The following ANKS1B variants were observed in gnomAD, a reference collection of about 807,000 sequenced individuals.
ANKS1B encodes ankyrin repeat and sterile alpha motif domain containing 1B, also known as ankyrin repeat and sterile alpha motif domain-containing protein 1B.
ANKS1B carries 36 observed loss-of-function variants against 148.3 expected under a neutral mutation model. That is an observed-to-expected ratio of 0.24 (90% CI 0.19 to 0.32). ANKS1B has a LOEUF of 0.32. Ranked by LOEUF, ANKS1B falls within the 10% of genes least tolerant of loss-of-function variation. The pLI is 1.00. For synonymous variants in ANKS1B, 542 were observed against 560.8 expected, an observed-to-expected ratio of 0.97 and a Z score of 0.47; for missense variants, 1,157 against 1,542.6, an observed-to-expected ratio of 0.75 and a Z score of 4.19.
intron 17 of ANKS1B, among the ~76,000 whole-genome samples, chr12:98,920,888 C>T (rs2099800503): frequency 6.6e-6 from 1 of 151,994 alleles, no homozygotes; most frequent in South Asian, 2.1e-4. Flanking sequence ...AATTAAATTC[C>T]ACAAGAGTTA....
chr12:98,806,680 C>T, intron 20 of ANKS1B, among the ~76,000 whole-genome samples: 1 of 152,138 alleles, frequency 6.6e-6, no homozygotes, highest in East Asian at 1.9e-4. Flanking sequence ...TAAACATTCA[C>T]ACATAATGAA....
chr12:98,786,214 G>T (rs1193442383), intron 22 of ANKS1B, among the ~76,000 whole-genome samples: 1 of 152,150 alleles, frequency 6.6e-6, no homozygotes, highest in Non-Finnish European at 1.5e-5. Flanking sequence ...TTTTCCAAGA[G>T]AAATGATATT....
intron 12 of ANKS1B, among the ~76,000 whole-genome samples, chr12:99,253,718 C>G (rs753223024): frequency 8.5e-5 from 13 of 152,132 alleles, no homozygotes; most frequent in Non-Finnish European, 1.8e-4. Context: ...ATTGCCTCCC[C>G]ACAAAATACT....
intron 10 of ANKS1B, among the ~76,000 whole-genome samples, chr12:99,488,061 T>C (rs1358965619): frequency 6.6e-6 from 1 of 152,186 alleles, no homozygotes; most frequent in Non-Finnish European, 1.5e-5. Flanking sequence ...CTTTCTGTGG[T>C]TTGATTCTTT....
At chr12:99,167,356 A>G (rs1469217727) in intron 14 of ANKS1B, among the ~76,000 whole-genome samples, 1 of 152,168 alleles carries the variant, frequency 6.6e-6, no homozygotes, top group Non-Finnish European at 1.5e-5. Context: ...ATGTATATCC[A>G]GAATATATAA....
chr12:98,836,073 G>A (rs1423406888), intron 17 of ANKS1B, among the ~76,000 whole-genome samples: 2 of 152,106 alleles, frequency 1.3e-5, no homozygotes, highest in Non-Finnish European at 2.9e-5. Context: ...GAGGTACATG[G>A]CTAGGATGTG....
At chr12:99,048,137 G>A (rs1482573676) in intron 17 of ANKS1B, among the ~76,000 whole-genome samples, 2 of 152,172 alleles carry the variant, frequency 1.3e-5, no homozygotes, top group Non-Finnish European at 2.9e-5. Flanking sequence ...CATATGTTCA[G>A]GCATGGAATA....
chr12:98,800,911 G>A (rs1420004240), intron 21 of ANKS1B, 86 bp downstream of exon 21: 1 of 1,436,500 alleles, frequency 7.0e-7, no homozygotes, highest in Non-Finnish European at 9.4e-7. Flanking sequence ...GGATATTTTG[G>A]TATATTTTCA....
intron 8 of ANKS1B, among the ~76,000 whole-genome samples, chr12:99,760,510 A>T (rs968202083): frequency 4.6e-5 from 7 of 151,890 alleles, no homozygotes; most frequent in Admixed American, 3.9e-4. Context: ...AAACTAAAAC[A>T]GACGTAACAT....
Position 98,750,579 on chromosome 12 carries a change from G to A in ANKS1B, c.3747+776C>T, listed in dbSNP as rs139545567. Among the ~76,000 whole-genome samples, 1,235 of 152,334 alleles carry A rather than the reference G, an allele frequency of 8.1e-3. 15 individuals are homozygous for A. Among genetic ancestry groups the A allele is most frequent in the Non-Finnish European group, 0.012 (792 of 68,038 alleles). ...CAGATGGAAGGATTCGGGGGCGTGA[G>A]AGCAATGCATTCTGGGGGAGTCCCA... is the stretch of plus-strand genomic sequence containing the variant. On this transcript the variant is annotated intron_variant, in intron 26 of 26. Coordinates refer to ENST00000683438, the MANE Select transcript of ANKS1B (RefSeq NM_001352186.2).
intron 9 of ANKS1B, among the ~76,000 whole-genome samples, chr12:99,616,274 G>A (rs1014796209): frequency 5.3e-5 from 8 of 152,130 alleles, no homozygotes; most frequent in Non-Finnish European, 8.8e-5. Flanking sequence ...TTTCTTCACA[G>A]AATTAGAAAA....
At chr12:99,466,708 T>G (rs1381247903) in intron 10 of ANKS1B, among the ~76,000 whole-genome samples, 2 of 151,906 alleles carry the variant, frequency 1.3e-5, no homozygotes, top group Non-Finnish European at 1.5e-5. Context: ...ATAAATTCCT[T>G]GACACATACA....
At chr12:99,100,305 A>G (rs1463750014) in intron 15 of ANKS1B, among the ~76,000 whole-genome samples, 1 of 152,144 alleles carries the variant, frequency 6.6e-6, no homozygotes, top group East Asian at 1.9e-4. Flanking sequence ...ACTTGCCTAG[A>G]CTTCTGGGGC....
At chr12:99,489,243 G>GAAA (rs34006525) in intron 10 of ANKS1B, among the ~76,000 whole-genome samples, 2 of 82,326 alleles carry the variant, frequency 2.4e-5, no homozygotes, top group African/African-American at 4.8e-5. Context: ...CTCCATCTCA[G>GAAA]AAAAAAAAAA....
At chr12:99,116,184 C>G (rs936112471) in intron 15 of ANKS1B, among the ~76,000 whole-genome samples, 1 of 152,140 alleles carries the variant, frequency 6.6e-6, no homozygotes, top group African/African-American at 2.4e-5. Flanking sequence ...TGTTGCTACC[C>G]TTAAAGACAC....
chr12:98,743,469 C>A (rs2097820836), downstream of ANKS1B, among the ~76,000 whole-genome samples: 1 of 152,088 alleles, frequency 6.6e-6, no homozygotes. Flanking sequence ...TTGAAGTTAT[C>A]AATGTATCAA....
intron 9 of ANKS1B, among the ~76,000 whole-genome samples, chr12:99,537,602 G>A (rs941678362): frequency 5.9e-5 from 9 of 151,800 alleles, no homozygotes; most frequent in African/African-American, 1.9e-4. Context: ...CTCATCTTTT[G>A]GCAAAGTTAT....
chr12:99,808,818 C>T (rs138333200), intron 3 of ANKS1B, among the ~76,000 whole-genome samples: 404 of 152,182 alleles, frequency 2.7e-3, no homozygotes, highest in African/African-American at 8.7e-3. Flanking sequence ...TCCTCAAAGG[C>T]CTCTCTACTG....
intron 1 of ANKS1B, among the ~76,000 whole-genome samples, chr12:99,970,947 TG>T (rs1406178043): frequency 6.6e-6 from 1 of 152,202 alleles, no homozygotes; most frequent in Non-Finnish European, 1.5e-5. Flanking sequence ...TGCAAGTACA[TG>T]GGGTAGGTAG....
Sources: gnomAD v4.1 joint callset for allele counts (sites outside exome capture counted in the v4.1 genomes callset) on GRCh38, gnomAD v4.1.1 for gene constraint, MANE v1.5 for transcripts, NCBI Gene and HGNC (gene_info 2026-07-23, HGNC 2026-07-21) for gene names.